Variants in NTRK3 observed in about 807,000 individuals in gnomAD.
NTRK3 encodes neurotrophic receptor tyrosine kinase 3.
A neutral mutation model predicts 91.7 loss-of-function variants in NTRK3; 24 were observed. The ratio of observed to expected loss-of-function variants is 0.26; its 90% CI spans 0.19 to 0.37. NTRK3 has a LOEUF of 0.37. Among genes scored for constraint, NTRK3 ranks in the 10% least tolerant of loss-of-function variants. NTRK3 has a pLI of 1.00. For synonymous variants in NTRK3, 483 were observed against 404.0 expected (o/e 1.20, Z -2.34); for missense variants, 880 against 1,068.9 (o/e 0.82, Z 2.46).
intron 14 of NTRK3, among the ~76,000 whole-genome samples, chr15:88,028,676 G>A (rs1404217198): frequency 3.3e-5 from 5 of 152,154 alleles, no homozygotes; most frequent in Admixed American, 6.5e-5. Flanking sequence ...TGCTTCCTCT[G>A]AGACAGGGAC....
intron 14 of NTRK3, among the ~76,000 whole-genome samples, chr15:88,010,821 G>T (rs1285925318): frequency 6.6e-6 from 1 of 151,812 alleles, no homozygotes. Flanking sequence ...CGGGCTAATT[G>T]TACCACTCAC....
intron 13 of NTRK3, among the ~76,000 whole-genome samples, chr15:88,079,035 G>T (rs2047810026): frequency 1.3e-5 from 2 of 152,186 alleles, no homozygotes; most frequent in African/African-American, 4.8e-5. Context: ...GGGAGTGCAG[G>T]GAGCACAGGT....
At chr15:87,999,201 G>A (rs2075924893) in intron 14 of NTRK3, among the ~76,000 whole-genome samples, 1 of 152,134 alleles carries the variant, frequency 6.6e-6, no homozygotes, top group Non-Finnish European at 1.5e-5. Flanking sequence ...TAGATCTACT[G>A]TCAGGAAGCT....
At chr15:88,136,833 T>G (rs1049079975) in intron 7 of NTRK3, among the ~76,000 whole-genome samples, 1 of 152,202 alleles carries the variant, frequency 6.6e-6, no homozygotes, top group South Asian at 2.1e-4. Context: ...GTCTCCCACA[T>G]TGCAGCGGCA....
exon 19 of NTRK3, chr15:87,871,039 G>C (rs2064816427): frequency 4.3e-6 from 1 of 230,106 alleles, no homozygotes; most frequent in African/African-American, 2.2e-5. Flanking sequence ...GTCAAACTGG[G>C]TCTTGTTTTA....
At chr15:88,048,425 T>G (rs1204871491) in intron 13 of NTRK3, among the ~76,000 whole-genome samples, 1 of 152,116 alleles carries the variant, frequency 6.6e-6, no homozygotes, top group Non-Finnish European at 1.5e-5. Flanking sequence ...TCAAGAGCAA[T>G]TAGACTGACA....
At chr15:87,907,469 G>C (rs1171107086) in intron 17 of NTRK3, among the ~76,000 whole-genome samples, 1 of 152,124 alleles carries the variant, frequency 6.6e-6, no homozygotes, top group Non-Finnish European at 1.5e-5. Flanking sequence ...TGAGAGAAAT[G>C]AATGAAACTG....
chr15:88,183,561 C>T, intron 4 of NTRK3, 72 bp from the exon 5 acceptor site: 1 of 1,430,634 alleles, frequency 7.0e-7, no homozygotes, highest in Non-Finnish European at 9.9e-7. Flanking sequence ...CTGAGGCTGG[C>T]AGGGGGTGAG....
At chr15:87,927,567 C>T (rs2068428755) in intron 17 of NTRK3, 1 of 152,168 alleles carries the variant, frequency 6.6e-6, no homozygotes, top group Non-Finnish European at 1.5e-5. Flanking sequence ...GTGTACCCCC[C>T]AAATTCATAT....
At chr15:87,940,531 C>A (rs904232631) in intron 15 of NTRK3, 92 bp downstream of exon 15, 1 of 1,578,020 alleles carries the variant, frequency 6.3e-7, no homozygotes, top group African/African-American at 1.3e-5. Flanking sequence ...GCCAATTGAG[C>A]ACTATCTTCT....
chr15:87,877,677 G>A (rs2065014941), intron 18 of NTRK3, among the ~76,000 whole-genome samples: 1 of 152,058 alleles, frequency 6.6e-6, no homozygotes, highest in Non-Finnish European at 1.5e-5. Flanking sequence ...TTTGCAGCAA[G>A]ACCCATCCTT....
At chr15:87,899,571 C>A (rs541719873) in intron 17 of NTRK3, among the ~76,000 whole-genome samples, 194 of 152,258 alleles carry the variant, frequency 1.3e-3, no homozygotes, top group African/African-American at 4.4e-3. Flanking sequence ...GAGACCCGAG[C>A]CTTTGGGCCC....
intron 10 of NTRK3, among the ~76,000 whole-genome samples, chr15:88,131,183 T>G (rs1226831090): frequency 6.6e-6 from 1 of 152,218 alleles, no homozygotes; most frequent in Admixed American, 6.5e-5. Context: ...CTGTTCCCTT[T>G]GGAATGCACT....
At chr15:87,889,761 T>A (rs2065754818) in intron 17 of NTRK3, among the ~76,000 whole-genome samples, 1 of 152,070 alleles carries the variant, frequency 6.6e-6, no homozygotes, top group Non-Finnish European at 1.5e-5. Flanking sequence ...ACATATGGTT[T>A]TGTTGTAGTG....
chr15:88,256,288 G>C (rs1303669559), exon 2 of NTRK3: 1 of 680,436 alleles, frequency 1.5e-6, no homozygotes, highest in African/African-American at 1.8e-5. Flanking sequence ...CTCTGCCTTT[G>C]AAACGCCGAG....
chr15:88,184,329 G>A (rs1222776722), intron 3 of NTRK3, 30 bp from the exon 4 acceptor site: 1 of 1,608,374 alleles, frequency 6.2e-7, no homozygotes, highest in Non-Finnish European at 8.5e-7. Context: ...GTAACGGTCA[G>A]CCAGAAGCAA....
At chr15:88,191,148 G>A (rs570544497) in intron 3 of NTRK3, among the ~76,000 whole-genome samples, 88 of 150,010 alleles carry the variant, frequency 5.9e-4, no homozygotes, top group Admixed American at 1.5e-3. Flanking sequence ...GGAGGCAGCT[G>A]AAGCTGATGT....
rs369784882 is a variant in NTRK3, at chr15:88,255,890, C to A, written c.248+16G>T. The A allele has an allele frequency of 1.3e-4, 204 of 1,594,446 alleles. 1 individual carries two copies. Among genetic ancestry groups the A allele is most frequent in the Non-Finnish European group, 1.7e-4 (194 of 1,167,030 alleles). ...AGCGCGGGGGAGGCAGGCTGGGGAG[C>A]GGCCGCCTGACTTACATGGAAGTGA... is the stretch of plus-strand genomic sequence containing the variant. On this transcript the variant is annotated intron_variant, in intron 3 of 18. Transcript: ENST00000394480. The surrounding 1 kb of genome is among the most constrained non-coding windows in gnomAD (Gnocchi z 4.3).
intron 5 of NTRK3, among the ~76,000 whole-genome samples, chr15:88,159,790 A>C (rs966503675): frequency 6.6e-6 from 1 of 152,058 alleles, no homozygotes; most frequent in Non-Finnish European, 1.5e-5. Context: ...AGAATCTCCA[A>C]TGGGGACGTG....
Sources: gnomAD v4.1 joint callset for allele counts (sites outside exome capture counted in the v4.1 genomes callset) on GRCh38, gnomAD v4.1.1 for gene constraint, Gnocchi (gnomAD v3.1) non-coding constraint, MANE v1.5 for transcripts, NCBI Gene and HGNC (gene_info 2026-07-23, HGNC 2026-07-21) for gene names.